The following CLCN5 variants were observed in gnomAD, a reference collection of about 807,000 sequenced individuals.
CLCN5 encodes H(+)/Cl(-) exchange transporter 5.
A neutral mutation model predicts 54.0 loss-of-function variants in CLCN5; 17 were observed. That is an observed-to-expected ratio of 0.31 (90% CI 0.22 to 0.47). The LOEUF (loss-of-function observed/expected upper bound fraction) is 0.47. Among genes scored for constraint, CLCN5 ranks in the 20% least tolerant of loss-of-function variants. CLCN5 has a pLI of 1.00. For missense variants in CLCN5, 448 were observed against 646.7 expected, an observed-to-expected ratio of 0.69 and a Z score of 3.33; for synonymous variants, 222 against 233.0, an observed-to-expected ratio of 0.95 and a Z score of 0.43.
chrX:49,934,692 C>T (rs191991190), intron 3 of CLCN5, among the ~76,000 whole-genome samples: 52 of 111,834 alleles, frequency 4.6e-4, no homozygotes, highest in Non-Finnish European at 1.7e-4. Flanking sequence ...GAAATAAATG[C>T]AGGACAGGGA....
At chrX:50,079,604 A>C (rs1408939261) in intron 7 of CLCN5, among the ~76,000 whole-genome samples, 1 of 112,243 alleles carries the variant, frequency 8.9e-6, no homozygotes, top group African/African-American at 3.2e-5. Context: ...TCTATTTTAA[A>C]AAATAGTTGT....
intron 3 of CLCN5, among the ~76,000 whole-genome samples, chrX:49,999,341 C>A (rs782196721): frequency 5.4e-5 from 6 of 110,856 alleles, no homozygotes; most frequent in Non-Finnish European, 3.8e-5. Context: ...CTGTGCCCTG[C>A]CTCTTAAACC....
At chrX:50,080,513 G>GA (rs1446308468) in intron 7 of CLCN5, 81 bp from the exon 8 acceptor site, 4 of 757,626 alleles carry the variant, frequency 5.3e-6, no homozygotes, top group Non-Finnish European at 7.2e-6. Flanking sequence ...TTTTTTTCCT[G>GA]AAAAAACATT....
chrX:50,008,671 T>G (rs1930331994), intron 3 of CLCN5, among the ~76,000 whole-genome samples: 1 of 112,277 alleles, frequency 8.9e-6, no homozygotes, highest in Non-Finnish European at 1.9e-5. Flanking sequence ...GAGCTACAGT[T>G]GAGGAAGAAG....
intron 3 of CLCN5, among the ~76,000 whole-genome samples, chrX:50,033,255 A>G (rs1191501091): frequency 9.0e-6 from 1 of 111,323 alleles, no homozygotes; most frequent in Non-Finnish European, 1.9e-5. Flanking sequence ...ACATGATTGT[A>G]TATCTAGAAA....
chrX:50,091,111 A>G (rs1429668680), intron 14 of CLCN5, among the ~76,000 whole-genome samples: 7 of 111,919 alleles, frequency 6.3e-5, no homozygotes, highest in Admixed American at 3.8e-4. Context: ...CTGGTTGCAT[A>G]TTATAAATAA....
intron 3 of CLCN5, among the ~76,000 whole-genome samples, chrX:49,932,450 T>C (rs1925707981): frequency 1.8e-5 from 2 of 112,053 alleles, no homozygotes; most frequent in Non-Finnish European, 3.8e-5. Context: ...AGAAAACAAG[T>C]GATTTGAAAA....
chrX:50,044,777 C>G (rs900954569), intron 4 of CLCN5, among the ~76,000 whole-genome samples: 17 of 111,203 alleles, frequency 1.5e-4, no homozygotes, highest in African/African-American at 5.6e-4. Flanking sequence ...ATTGTGCGGC[C>G]ACCTCAAAGG....
At position 50,011,091 on chromosome X, in the gene CLCN5, A is replaced by G. The variant is rs140725573; in HGVS notation, c.17-31225A>G. ...CTGACTTGGTTACATCCACAGAGAC[A>G]TGTCCTCACAGAGTGGTCCCTCTGA... On this transcript the variant is annotated intron_variant, in intron 3 of 14. Coordinates refer to ENST00000376091, the MANE Select transcript of CLCN5 (RefSeq NM_001127898.4). 4.2e-4 allele frequency among the ~76,000 whole-genome samples: 47 copies of G among 111,785 alleles called. No homozygotes were observed. The East Asian group carries it at 0.012, about 29-fold the overall frequency.
intron 3 of CLCN5, among the ~76,000 whole-genome samples, chrX:49,975,299 C>G (rs1309359766): frequency 1.8e-5 from 2 of 111,437 alleles, no homozygotes; most frequent in Admixed American, 9.5e-5. Context: ...CTTTAAGGGT[C>G]TGAGGCTAGT....
At chrX:49,928,217 G>C (rs1402029855) in intron 3 of CLCN5, among the ~76,000 whole-genome samples, 1 of 112,047 alleles carries the variant, frequency 8.9e-6, no homozygotes, top group Non-Finnish European at 1.9e-5. Context: ...CAGTTACCCT[G>C]ATTTGATCAT....
intron 4 of CLCN5, among the ~76,000 whole-genome samples, chrX:50,049,927 A>G (rs1602088824): frequency 8.9e-6 from 1 of 112,084 alleles, no homozygotes; most frequent in South Asian, 3.7e-4. Flanking sequence ...TTACCATAAT[A>G]TCATGTAAAA....
chrX:49,958,713 C>T (rs924965899), intron 3 of CLCN5, among the ~76,000 whole-genome samples: 3 of 111,512 alleles, frequency 2.7e-5, no homozygotes, highest in Non-Finnish European at 3.8e-5. Flanking sequence ...TTTATCTGGG[C>T]CTACAGGTCC....
At chrX:49,995,406 GTT>G (rs1557179528) in intron 3 of CLCN5, among the ~76,000 whole-genome samples, 1 of 112,048 alleles carries the variant, frequency 8.9e-6, no homozygotes, top group Non-Finnish European at 1.9e-5. Flanking sequence ...TAGTTACGGA[GTT>G]TCTACCTTGT....
chrX:49,979,521 C>T (rs1928638079), intron 3 of CLCN5, among the ~76,000 whole-genome samples: 1 of 112,066 alleles, frequency 8.9e-6, no homozygotes. Context: ...TCCATTCTTC[C>T]TACTTAACAA....
At chrX:50,063,242 CA>C (rs1215205269) in intron 4 of CLCN5, among the ~76,000 whole-genome samples, 2 of 93,623 alleles carry the variant, frequency 2.1e-5, no homozygotes, top group Non-Finnish European at 4.1e-5. Flanking sequence ...AAAGGATCAA[CA>C]AAATTGATAG....
chrX:50,068,583 T>TA (rs1933118477), intron 4 of CLCN5, among the ~76,000 whole-genome samples: 1 of 105,655 alleles, frequency 9.5e-6, no homozygotes, highest in African/African-American at 3.4e-5. Context: ...TCAGAAGACT[T>TA]ACAATTGGTA....
rs782259912 is a variant in CLCN5, at chrX:50,008,541, T to C, written c.17-33775T>C. On this transcript the variant is annotated intron_variant, in intron 3 of 14. Transcript: ENST00000376091. The stretch of plus-strand genomic sequence containing the variant: ...TCATCTTCGTGTAGGACAGAGCGTC[T>C]TTCTGTCCTCCTATCATCCATTCCA... 1.6e-4 allele frequency: 54 copies of C among 339,491 alleles called. No homozygotes were observed. The Middle Eastern group carries it at 3.1e-3, about 19-fold the overall frequency. 28.0% of individuals were successfully genotyped at this position (339,491 alleles called of 1,213,427 possible).
chrX:50,067,455 T>C, intron 4 of CLCN5: 1 of 244,479 alleles, frequency 4.1e-6, no homozygotes, highest in Non-Finnish European at 5.8e-6. Flanking sequence ...TTGATGGCAT[T>C]TGTTTAGATG....
Sources: gnomAD v4.1 joint callset for allele counts (sites outside exome capture counted in the v4.1 genomes callset) on GRCh38, gnomAD v4.1.1 for gene constraint, MANE v1.5 for transcripts, NCBI Gene and HGNC (gene_info 2026-07-23, HGNC 2026-07-21) for gene names.